OTUD7A: variants seen among roughly 807,000 people sequenced by gnomAD.
The protein encoded by OTUD7A is OTU domain-containing protein 7A.
OTUD7A carries 12 observed loss-of-function variants against 65.7 expected under a neutral mutation model. That is an observed-to-expected ratio of 0.18 (90% CI 0.12 to 0.30). OTUD7A has a LOEUF of 0.30. Among genes scored for constraint, OTUD7A ranks in the 10% least tolerant of loss-of-function variants. The pLI is 1.00. For synonymous variants in OTUD7A, 641 were observed against 586.3 expected (o/e 1.09, Z -1.35); for missense variants, 1,148 against 1,304.8 (o/e 0.88, Z 1.85).
chr15:31,622,878 T>TC (rs1890836067), intron 3 of OTUD7A, among the ~76,000 whole-genome samples: 1 of 152,214 alleles, frequency 6.6e-6, no homozygotes, highest in Admixed American at 6.5e-5. Context: ...CTCTGTTTTT[T>TC]CCCCATCTTT....
At chr15:31,557,815 C>T (rs1888547844) in intron 5 of OTUD7A, 1 of 152,178 alleles carries the variant, frequency 6.6e-6, no homozygotes, top group Non-Finnish European at 1.5e-5. Context: ...TCTTCTGGAA[C>T]TCTAGAAAGT....
At chr15:31,638,210 A>G (rs183101579) in intron 3 of OTUD7A, among the ~76,000 whole-genome samples, 247 of 152,208 alleles carry the variant, frequency 1.6e-3, no homozygotes, top group African/African-American at 5.7e-3. Flanking sequence ...TAGCAGCCAT[A>G]AACATTGAGG....
chr15:31,854,732 G>C (rs1897522076), intron 1 of OTUD7A, among the ~76,000 whole-genome samples: 1 of 151,786 alleles, frequency 6.6e-6, no homozygotes, highest in Admixed American at 6.6e-5. Context: ...GCCATGCATG[G>C]TAACATATTC....
chr15:31,594,669 C>A (rs1483640938), intron 3 of OTUD7A, among the ~76,000 whole-genome samples: 2 of 152,200 alleles, frequency 1.3e-5, no homozygotes, highest in Admixed American at 6.5e-5. Flanking sequence ...CAATGAAATC[C>A]TGCTGGATCT....
chr15:31,592,629 C>T (rs1889761583), intron 3 of OTUD7A, among the ~76,000 whole-genome samples: 1 of 151,526 alleles, frequency 6.6e-6, no homozygotes, highest in African/African-American at 2.4e-5. Context: ...GCCTGTAATC[C>T]CAGCATTTTG....
At chr15:31,846,455 A>C (rs1897295115) in intron 1 of OTUD7A, among the ~76,000 whole-genome samples, 3 of 152,226 alleles carry the variant, frequency 2.0e-5, no homozygotes, top group Non-Finnish European at 4.4e-5. Flanking sequence ...AAGGGAGCCC[A>C]CTGAGAACCC....
Position 31,503,891 on chromosome 15 carries a change from C to T in OTUD7A, c.894-73G>A. On this transcript the variant is annotated intron_variant, in intron 8 of 12. Coordinates refer to ENST00000307050, the MANE Select transcript of OTUD7A (RefSeq NM_001382637.1). Reference sequence around the variant, plus strand: ...AGGATGGAGAAAGTGGGGACTGCTTCATGCAGGGGCTGAGCCCTCCCCACT... The same window carrying T: ...AGGATGGAGAAAGTGGGGACTGCTTTATGCAGGGGCTGAGCCCTCCCCACT... 30 of 1,563,114 alleles carry T rather than the reference C, an allele frequency of 1.9e-5. No homozygotes were observed. In the South Asian group the frequency reaches 3.3e-4, roughly 17 times the overall value.
At chr15:31,572,109 A>G (rs1261758426) in intron 3 of OTUD7A, among the ~76,000 whole-genome samples, 1 of 152,160 alleles carries the variant, frequency 6.6e-6, no homozygotes, top group Non-Finnish European at 1.5e-5. Flanking sequence ...TTAAAGCCAA[A>G]TATTTGACTA....
At position 31,481,177 on chromosome 15, in the gene OTUD7A, G is replaced by T. The variant is rs1189574958; in HGVS notation, c.*2117C>A. On this transcript the variant is annotated 3_prime_UTR_variant, in exon 13 of 13. Transcript: ENST00000307050. ...GTTGGCTGTTTTTACATTAAGAAATGAAAAAAACAAGCAAGAATTGACTTT... is the reference window on the plus strand; with the variant it reads ...GTTGGCTGTTTTTACATTAAGAAATTAAAAAAACAAGCAAGAATTGACTTT... 6.6e-6 allele frequency: 1 copy of T among 152,114 alleles called. No homozygotes were observed. The highest frequency in any genetic ancestry group is 1.9e-4 in the East Asian group (1 of 5,202). 9.4% of individuals were successfully genotyped at this position (152,114 alleles called of 1,614,324 possible).
intron 5 of OTUD7A, among the ~76,000 whole-genome samples, chr15:31,553,061 C>A (rs1474566109): frequency 6.6e-6 from 1 of 152,196 alleles, no homozygotes; most frequent in East Asian, 1.9e-4. Flanking sequence ...AAGCACAGTG[C>A]AGCATGGCTT....
chr15:31,819,661 A>C lies in OTUD7A; in HGVS notation c.-100+50846T>G, dbSNP rs573654499. 2.0e-5 allele frequency among the ~76,000 whole-genome samples: 3 copies of C among 152,130 alleles called. No homozygotes were observed. In the South Asian group the frequency reaches 6.2e-4, roughly 32 times the overall value. On this transcript the variant is annotated intron_variant, in intron 1 of 12. Transcript: ENST00000307050. The stretch of plus-strand genomic sequence containing the variant: ...CGTAATCATATGTGTATAATTCAAA[A>C]CCACTTCATTTTTATACAAACATAT...
intron 3 of OTUD7A, among the ~76,000 whole-genome samples, chr15:31,646,516 A>C (rs573355486): frequency 3.7e-4 from 55 of 148,950 alleles, no homozygotes; most frequent in Non-Finnish European, 6.8e-4. Flanking sequence ...GCTGGAGTAC[A>C]ATGGTGTGAT....
At chr15:31,637,136 A>T (rs1361148911) in intron 3 of OTUD7A, among the ~76,000 whole-genome samples, 5 of 152,382 alleles carry the variant, frequency 3.3e-5, no homozygotes, top group Non-Finnish European at 7.3e-5. Flanking sequence ...TATTGGAAGA[A>T]GATGTTATCT....
chr15:31,487,241 G>A lies in OTUD7A; in HGVS notation c.1324C>T (p.His442Tyr), dbSNP rs1013534350. 1 of 1,614,136 alleles carries A rather than the reference G, an allele frequency of 6.2e-7. No homozygotes were observed. The highest frequency in any genetic ancestry group is 8.5e-7 in the Non-Finnish European group (1 of 1,180,016). The part of the protein sequence containing the change: ...LSLEAKLNLL[H>Y]SYMNVTWIRI... ...ATCCACGTCACGTTCATGTAGCTGTGCAGAAGGTTCAGCTTGGCTTCTAGC... is the reference window on the plus strand; with the variant it reads ...ATCCACGTCACGTTCATGTAGCTGTACAGAAGGTTCAGCTTGGCTTCTAGC... Residue 442 changes from histidine to tyrosine, a missense_variant, in exon 12 of 13, where the codon CAC becomes TAC. Transcript: ENST00000307050. The surrounding 1 kb of genome is among the most constrained non-coding windows in gnomAD (Gnocchi z 6.0).
At chr15:31,755,708 C>T (rs1216099491) in intron 1 of OTUD7A, among the ~76,000 whole-genome samples, 3 of 149,140 alleles carry the variant, frequency 2.0e-5, no homozygotes, top group Non-Finnish European at 4.5e-5. Context: ...GGAGACAGAG[C>T]GAGACTCTGT....
rs1056273857 is a variant in OTUD7A at position 31,481,869 on chromosome 15, G to A, written c.*1425C>T. The A allele has an allele frequency of 2.0e-5, 3 of 152,186 alleles. No homozygotes were observed. Among genetic ancestry groups the A allele is most frequent in the African/African-American group, 4.8e-5 (2 of 41,428 alleles). The allele number at this position is 152,186 out of a possible 1,614,324, so 9.4% of individuals were successfully genotyped here. A position where few individuals can be genotyped will look rare whatever the true frequency, so the allele number is the denominator to read the frequency against. ...TTTCTGAGGATACACTCACAGCAAA[G>A]CCAGGCGCTTTCTCCTGTCCTAGGA... On this transcript the variant is annotated 3_prime_UTR_variant, in exon 13 of 13. Transcript: ENST00000307050.
intron 1 of OTUD7A, among the ~76,000 whole-genome samples, chr15:31,755,316 C>T (rs1595748062): frequency 1.3e-5 from 2 of 152,064 alleles, no homozygotes; most frequent in South Asian, 2.1e-4. Context: ...TATCTGAGGG[C>T]GAGCTAGAAT....
intron 3 of OTUD7A, among the ~76,000 whole-genome samples, chr15:31,622,884 T>A (rs574691449): frequency 8.1e-4 from 124 of 152,300 alleles, no homozygotes; most frequent in African/African-American, 2.9e-3. Context: ...TTTTTCCCCA[T>A]CTTTGTGGTT....
chr15:31,599,547 A>G (rs1461640546), intron 3 of OTUD7A, among the ~76,000 whole-genome samples: 1 of 152,190 alleles, frequency 6.6e-6, no homozygotes, highest in East Asian at 1.9e-4. Flanking sequence ...CCAGCGCAAA[A>G]AGGCTGAAAA....
Sources: allele counts gnomAD v4.1 joint callset (sites outside exome capture counted in the v4.1 genomes callset), GRCh38; gene constraint gnomAD v4.1.1; non-coding constraint Gnocchi (gnomAD v3.1); transcripts MANE v1.5; gene names NCBI Gene and HGNC (gene_info 2026-07-23, HGNC 2026-07-21).